Variants in SUPT16H observed in about 807,000 individuals in gnomAD.
The protein encoded by SUPT16H is SPT16 homolog, facilitates chromatin remodeling subunit.
SUPT16H carries 24 observed loss-of-function variants against 136.2 expected under a neutral mutation model. The ratio of observed to expected loss-of-function variants is 0.18; its 90% confidence interval spans 0.13 to 0.25. The LOEUF is 0.25. Among genes scored for constraint, SUPT16H ranks in the 10% least tolerant of loss-of-function variants. SUPT16H has a pLI of 1.00. For missense variants in SUPT16H, 623 were observed against 1,270.2 expected (o/e 0.49, Z 7.74); for synonymous variants, 415 against 428.2 (o/e 0.97, Z 0.38).
chr14:21,361,310 G>GGTT, intron 15 of SUPT16H, 97 bp from the exon 16 acceptor site: 1 of 853,278 alleles, frequency 1.2e-6, no homozygotes, highest in Non-Finnish European at 1.6e-6. Flanking sequence ...TCTCTACTTT[G>GGTT]CTTTTTTTTT....
At chr14:21,355,531 A>G (rs1886413535) in intron 22 of SUPT16H, among the ~76,000 whole-genome samples, 1 of 149,332 alleles carries the variant, frequency 6.7e-6, no homozygotes, top group Admixed American at 6.6e-5. Flanking sequence ...AAAAAAAAAA[A>G]AAAAAGAAAG....
chr14:21,376,194 G>A (rs1448705231), intron 1 of SUPT16H, among the ~76,000 whole-genome samples: 1 of 152,100 alleles, frequency 6.6e-6, no homozygotes, highest in Non-Finnish European at 1.5e-5. Flanking sequence ...ATTTATTTCT[G>A]AATTTTCACG....
At chr14:21,357,468 T>A in intron 21 of SUPT16H, 102 bp from the exon 22 acceptor site, 1 of 1,259,864 alleles carries the variant, frequency 7.9e-7, no homozygotes, top group Non-Finnish European at 1.0e-6. Flanking sequence ...AAAGATAACT[T>A]AAGCTGTTTT....
intron 15 of SUPT16H, among the ~76,000 whole-genome samples, chr14:21,361,675 C>A (rs937694681): frequency 6.6e-6 from 1 of 152,164 alleles, no homozygotes; most frequent in East Asian, 1.9e-4. Flanking sequence ...TCCCATTTCA[C>A]ACCATGAAAT....
intron 22 of SUPT16H, 97 bp from the exon 23 acceptor site, chr14:21,354,637 G>C (rs1261662450): frequency 6.8e-7 from 1 of 1,471,088 alleles, no homozygotes; most frequent in East Asian, 2.5e-5. Flanking sequence ...TGTTGCCCAG[G>C]CTGGAGTGCA....
At chr14:21,353,344 A>G in intron 25 of SUPT16H, 144 bp downstream of exon 25, 1 of 756,088 alleles carries the variant, frequency 1.3e-6, no homozygotes, top group South Asian at 1.8e-5. Context: ...CAGTCAATGA[A>G]GTTGTATCTG....
At chr14:21,359,401 G>C (rs987286442) in intron 19 of SUPT16H, 83 bp downstream of exon 19, 1 of 1,552,070 alleles carries the variant, frequency 6.4e-7, no homozygotes, top group African/African-American at 1.4e-5. Flanking sequence ...AGCCCAGTTT[G>C]TTTATAAAAT....
chr14:21,361,366 G>C, intron 15 of SUPT16H, 153 bp from the exon 16 acceptor site: 1 of 895,654 alleles, frequency 1.1e-6, no homozygotes, highest in African/African-American at 1.8e-5. Context: ...ACCCAGGCTG[G>C]AGTGCAGTGG....
In SUPT16H at chr14:21,355,091, A is replaced by G. The variant is rs1566380423; in HGVS notation, c.2661-551T>C. 1.3e-5 allele frequency: 2 copies of G among 152,554 alleles called. 1 individual carries two copies. Among genetic ancestry groups the G allele is most frequent in the Admixed American group, 1.3e-4 (2 of 15,288 alleles). The allele number at this position is 152,554 out of a possible 1,614,324, so 9.5% of individuals were successfully genotyped here. A position where few individuals can be genotyped will look rare whatever the true frequency, so the allele number is the denominator to read the frequency against. ...TCTTCTTCACTTAGTCTTCTCTCCT[A>G]TTCACCCATGCTTTTCCCTCTCTGT... On this transcript the variant is annotated intron_variant, in intron 22 of 25. Coordinates refer to ENST00000216297, the MANE Select transcript of SUPT16H (RefSeq NM_007192.4).
In SUPT16H at chr14:21,383,978, G is replaced by C. The variant is rs372735332; in HGVS notation, c.-51C>G. 1 of 1,606,984 alleles carries C rather than the reference G, an allele frequency of 6.2e-7. No individual in the cohort carries two copies. Among genetic ancestry groups the C allele is most frequent in the Non-Finnish European group, 8.5e-7 (1 of 1,175,294 alleles). Reference sequence around the variant, plus strand: ...GTTCCGAGAATCACGCGAGGTCCCGGCTCAGCCACCCGCTCTCGGCCCAGG... The same window carrying C: ...GTTCCGAGAATCACGCGAGGTCCCGCCTCAGCCACCCGCTCTCGGCCCAGG... On this transcript the variant is annotated 5_prime_UTR_variant, in exon 1 of 26. Transcript: ENST00000216297.
At position 21,357,881 on chromosome 14, in the gene SUPT16H, T is replaced by C. The variant is rs759014201; in HGVS notation, c.2490+46A>G. 7.7e-6 allele frequency: 12 copies of C among 1,563,064 alleles called. No individual in the cohort carries two copies. In the Admixed American group the frequency reaches 1.7e-4, roughly 22 times the overall value. On this transcript the variant is annotated intron_variant, in intron 21 of 25. Coordinates refer to ENST00000216297, the MANE Select transcript of SUPT16H (RefSeq NM_007192.4). The stretch of plus-strand genomic sequence containing the variant: ...GATAAAAAACACCTATCCTTCTTTA[T>C]TTTCTCTAACAATTTTCTTACTAAA...
intron 1 of SUPT16H, 51 bp downstream of exon 1, chr14:21,383,811 T>C: frequency 6.2e-7 from 1 of 1,606,238 alleles, no homozygotes; most frequent in Non-Finnish European, 8.5e-7. Flanking sequence ...ACAGGGTTAT[T>C]ATGGGATGGC....
At chr14:21,362,441 A>G (rs1886576625) in intron 14 of SUPT16H, 117 bp from the exon 15 acceptor site, 1 of 970,530 alleles carries the variant, frequency 1.0e-6, no homozygotes, top group East Asian at 2.9e-5. Flanking sequence ...CTTAATCTAA[A>G]TCTAATAAAT....
intron 7 of SUPT16H, among the ~76,000 whole-genome samples, chr14:21,366,818 T>G (rs1886680837): frequency 6.6e-6 from 1 of 152,046 alleles, no homozygotes; most frequent in African/African-American, 2.4e-5. Flanking sequence ...CCAGCTAATT[T>G]TTTATTTTTT....
intron 10 of SUPT16H, 119 bp from the exon 11 acceptor site, chr14:21,363,622 T>C: frequency 1.2e-6 from 1 of 841,544 alleles, no homozygotes; most frequent in Non-Finnish European, 1.9e-6. Flanking sequence ...TGACAATGAA[T>C]AAATATAGTT....
intron 22 of SUPT16H, among the ~76,000 whole-genome samples, chr14:21,355,605 GTTGT>G (rs1160575658): frequency 4.0e-5 from 6 of 150,508 alleles, no homozygotes; most frequent in Non-Finnish European, 5.9e-5. Flanking sequence ...TTTCCTATGT[GTTGT>G]TTATTTGATG....
intron 21 of SUPT16H, 118 bp downstream of exon 21, chr14:21,357,809 A>C: frequency 1.0e-6 from 1 of 1,001,754 alleles, no homozygotes; most frequent in South Asian, 1.6e-5. Flanking sequence ...TTGTTCAATG[A>C]GTTTTAAGTC....
In SUPT16H at chr14:21,357,189, T is replaced by C. The variant is rs775060014; in HGVS notation, c.2660+8A>G. ...GCTAAATGGGAGACTGATGGCAGAT[T>C]TACTTACTTCAACCATTCCTTGATG... On this transcript the variant is annotated splice_region_variant and intron_variant, in intron 22 of 25. Coordinates refer to ENST00000216297, the MANE Select transcript of SUPT16H (RefSeq NM_007192.4). The C allele has an allele frequency of 6.4e-7, 1 of 1,564,256 alleles. No homozygotes were observed. The highest frequency in any genetic ancestry group is 1.2e-5 in the South Asian group (1 of 83,264).
chr14:21,366,236 G>C (rs769083978), intron 8 of SUPT16H, among the ~76,000 whole-genome samples: 3 of 152,180 alleles, frequency 2.0e-5, no homozygotes, highest in African/African-American at 7.2e-5. Flanking sequence ...CACCACACTG[G>C]TCTAGAAAAA....
Sources: allele counts gnomAD v4.1 joint callset (sites outside exome capture counted in the v4.1 genomes callset), GRCh38; gene constraint gnomAD v4.1.1; transcripts MANE v1.5; gene names NCBI Gene and HGNC (gene_info 2026-07-23, HGNC 2026-07-21).